The following LRP8 variants were observed in gnomAD, a reference collection of about 807,000 sequenced individuals.
The protein encoded by LRP8 is low-density lipoprotein receptor-related protein 8.
LRP8 carries 46 observed loss-of-function variants against 111.6 expected under a neutral mutation model. That is an observed-to-expected ratio of 0.41 (90% CI 0.33 to 0.53). The LOEUF (loss-of-function observed/expected upper bound fraction) is 0.53, where lower values mean the gene tolerates loss of function less well. LRP8 is among the 20% of genes least tolerant of loss of function. LRP8 has a pLI of 0.20. For missense variants in LRP8, 959 were observed against 1,297.4 expected, an observed-to-expected ratio of 0.74 and a Z score of 4.01; for synonymous variants, 464 against 511.2, an observed-to-expected ratio of 0.91 and a Z score of 1.24.
At chr1:53,278,418 G>A (rs1160898737) in intron 4 of LRP8, among the ~76,000 whole-genome samples, 1 of 152,238 alleles carries the variant, frequency 6.6e-6, no homozygotes, top group Admixed American at 6.5e-5. Flanking sequence ...TCCACGTGGG[G>A]GCGCCCAGAG....
At position 53,243,555 on chromosome 1, in the gene LRP8, T is replaced by C. The variant is rs568486367; in HGVS notation, c.*3463A>G. The C allele has an allele frequency of 5.9e-5, 9 of 152,332 alleles. No homozygotes were observed. The highest frequency in any genetic ancestry group is 2.2e-4 in the African/African-American group (9 of 41,582). The allele number at this position is 152,332 out of a possible 1,614,324, so 9.4% of individuals were successfully genotyped here. A position where few individuals can be genotyped will look rare whatever the true frequency, so the allele number is the denominator to read the frequency against. On this transcript the variant is annotated 3_prime_UTR_variant, in exon 19 of 19. Transcript: ENST00000306052. ...TACACAATGATCAAGAAATGCTTCA[T>C]TGAATCAGAAATTAATCTATTTTAT...
Position 53,250,229 on chromosome 1 carries a change from A to G in LRP8, c.2676+461T>C, listed in dbSNP as rs1645851046. Among the ~76,000 whole-genome samples the G allele has an allele frequency of 6.6e-6, 1 of 152,240 alleles. No individual in the cohort carries two copies. Among genetic ancestry groups the G allele is most frequent in the Non-Finnish European group, 1.5e-5 (1 of 68,044 alleles). ...ATGTGGTGCTTGGCACATAACTGGC[A>G]TACAGTATTGAAATGAATACATTTG... On this transcript the variant is annotated intron_variant, in intron 17 of 18. Coordinates refer to ENST00000306052, the MANE Select transcript of LRP8 (RefSeq NM_004631.5). This position sits in a 1 kb window ranked among gnomAD's most constrained non-coding sequence, Gnocchi z 4.6.
intron 12 of LRP8, among the ~76,000 whole-genome samples, chr1:53,261,067 G>A (rs183764885): frequency 6.6e-6 from 1 of 152,084 alleles, no homozygotes; most frequent in African/African-American, 2.4e-5. Context: ...AAATCCACAC[G>A]TACAGGTACA....
chr1:53,267,524 T>C (rs1033137854), intron 8 of LRP8: 2 of 151,866 alleles, frequency 1.3e-5, no homozygotes, highest in Admixed American at 6.6e-5. Flanking sequence ...TAGCAAGAGA[T>C]GAGCTTCAGA....
In LRP8 at chr1:53,262,598, C is replaced by A. The variant is rs372599423; in HGVS notation, c.1656-34G>T. The A allele has an allele frequency of 3.2e-6, 5 of 1,560,400 alleles. No individual in the cohort carries two copies. The African/African-American group carries it at 6.8e-5, about 21-fold the overall frequency. On this transcript the variant is annotated intron_variant, in intron 10 of 18. Coordinates refer to ENST00000306052, the MANE Select transcript of LRP8 (RefSeq NM_004631.5). The surrounding 1 kb of genome is among the most constrained non-coding windows in gnomAD (Gnocchi z 4.8). Reference sequence around the variant, plus strand: ...CAAAATAACCCAATTTGCCTTCTTGCTGGGGACATGACCGGGGTGGTCTGA... The same window carrying A: ...CAAAATAACCCAATTTGCCTTCTTGATGGGGACATGACCGGGGTGGTCTGA...
At chr1:53,286,583 A>G (rs1401138576) in intron 3 of LRP8, among the ~76,000 whole-genome samples, 1 of 151,896 alleles carries the variant, frequency 6.6e-6, no homozygotes, top group Non-Finnish European at 1.5e-5. Context: ...TGCTATTGCC[A>G]TTAGGCAAAT....
At chr1:53,301,927 G>A (rs909837095) in intron 2 of LRP8, among the ~76,000 whole-genome samples, 5 of 152,072 alleles carry the variant, frequency 3.3e-5, no homozygotes, top group Admixed American at 1.3e-4. Context: ...AAGGAGATGC[G>A]TCTTGGTTAG....
intron 2 of LRP8, among the ~76,000 whole-genome samples, chr1:53,322,057 T>G (rs1322292761): frequency 6.6e-6 from 1 of 151,814 alleles, no homozygotes; most frequent in Non-Finnish European, 1.5e-5. Flanking sequence ...GGGGTCCGGG[T>G]TGGCCTGCAA....
In LRP8 at chr1:53,250,505, GGAAGGAAA is replaced by G. The variant is rs938717392; in HGVS notation, c.2676+177_2676+184del. 2.9e-3 allele frequency among the ~76,000 whole-genome samples: 432 copies of G among 150,784 alleles called. No homozygotes were observed. The highest frequency in any genetic ancestry group is 9.8e-3 in the African/African-American group (400 of 40,956). On this transcript the variant is annotated intron_variant, in intron 17 of 18. Coordinates refer to ENST00000306052, the MANE Select transcript of LRP8 (RefSeq NM_004631.5). The surrounding 1 kb of genome is among the most constrained non-coding windows in gnomAD (Gnocchi z 4.6). ...AGGAGGAAGGGAAGGAGGGAGGAAA[GGAAGGAAA>G]GAAGGAAAGAAAAAAGACAGGGAGG... is the stretch of plus-strand genomic sequence containing the variant.
At chr1:53,307,912 G>A (rs1652282077) in intron 2 of LRP8, among the ~76,000 whole-genome samples, 2 of 152,228 alleles carry the variant, frequency 1.3e-5, no homozygotes, top group South Asian at 4.1e-4. Context: ...CCCCTCACCT[G>A]GTGAGTAGAT....
At position 53,279,887 on chromosome 1, in the gene LRP8, G is replaced by A. The variant is rs1486616423; in HGVS notation, c.496+700C>T. On this transcript the variant is annotated intron_variant, in intron 4 of 18. Transcript: ENST00000306052. The surrounding 1 kb of genome is among the most constrained non-coding windows in gnomAD (Gnocchi z 4.4). ...GCTTCAGGCCTGGCACACAGTAGGT[G>A]CCCCTCGAATTGAAAAAGTGAGGCC... Among the ~76,000 whole-genome samples, 1 of 152,236 alleles carries A rather than the reference G, an allele frequency of 6.6e-6. No homozygotes were observed. The highest frequency in any genetic ancestry group is 1.5e-5 in the Non-Finnish European group (1 of 68,040).
At chr1:53,281,913 A>G (rs1557797348) in intron 3 of LRP8, among the ~76,000 whole-genome samples, 1 of 152,244 alleles carries the variant, frequency 6.6e-6, no homozygotes, top group African/African-American at 2.4e-5. Flanking sequence ...CTGCTGTGTG[A>G]CAAACATGGT....
chr1:53,290,808 C>T (rs1022501373), intron 2 of LRP8, among the ~76,000 whole-genome samples: 6 of 152,158 alleles, frequency 3.9e-5, no homozygotes, highest in African/African-American at 1.4e-4. Flanking sequence ...CATGGGGGAA[C>T]TGAGGCTGCC....
chr1:53,326,762 A>G, intron 2 of LRP8, 111 bp downstream of exon 2: 1 of 1,461,784 alleles, frequency 6.8e-7, no homozygotes, highest in African/African-American at 1.5e-5. Flanking sequence ...TCCGGCGGCA[A>G]GTCCCGCGCA....
chr1:53,284,879 G>A (rs1647322730), intron 3 of LRP8, among the ~76,000 whole-genome samples: 1 of 152,154 alleles, frequency 6.6e-6, no homozygotes, highest in Non-Finnish European at 1.5e-5. Flanking sequence ...AGGAGACCAA[G>A]GCCCAGAGAG....
intron 10 of LRP8, 133 bp downstream of exon 10, chr1:53,264,036 A>T: frequency 1.2e-6 from 1 of 846,626 alleles, no homozygotes; most frequent in Non-Finnish European, 1.8e-6. Context: ...GGGGATTAAC[A>T]AGACTTTCTT....
chr1:53,260,076 A>C lies in LRP8; in HGVS notation c.2056+388T>G, dbSNP rs545314833. Among the ~76,000 whole-genome samples, 3 of 152,318 alleles carry C rather than the reference A, an allele frequency of 2.0e-5. No individual in the cohort carries two copies. The East Asian group carries it at 5.8e-4, about 29-fold the overall frequency. ...TACTGCAGAATGGCTACAAATAGCAAGTTAGATGCAGTGTGTCATGGTGAA... is the reference window on the plus strand; with the variant it reads ...TACTGCAGAATGGCTACAAATAGCACGTTAGATGCAGTGTGTCATGGTGAA... On this transcript the variant is annotated intron_variant, in intron 13 of 18. Coordinates refer to ENST00000306052, the MANE Select transcript of LRP8 (RefSeq NM_004631.5).
intron 2 of LRP8, among the ~76,000 whole-genome samples, chr1:53,315,683 A>C (rs971326740): frequency 1.3e-5 from 2 of 152,168 alleles, no homozygotes; most frequent in Non-Finnish European, 2.9e-5. Context: ...CTTCGCACCA[A>C]ATGGGCCTGG....
At chr1:53,268,403 T>G (rs925320581) in intron 8 of LRP8, 1 of 152,238 alleles carries the variant, frequency 6.6e-6, no homozygotes, top group Admixed American at 6.5e-5. Flanking sequence ...CTCCAGTGCA[T>G]GTACATAATC....
Sources: allele counts gnomAD v4.1 joint callset (sites outside exome capture counted in the v4.1 genomes callset), GRCh38; gene constraint gnomAD v4.1.1; non-coding constraint Gnocchi (gnomAD v3.1); transcripts MANE v1.5; gene names NCBI Gene and HGNC (gene_info 2026-07-23, HGNC 2026-07-21).